Variants in DLAT observed in about 807,000 individuals in gnomAD.
DLAT encodes the protein dihydrolipoyllysine-residue acetyltransferase component of pyruvate dehydrogenase complex, mitochondrial.
In DLAT, 43 loss-of-function variants were observed where a neutral mutation model predicts 68.0. The observed-to-expected ratio is 0.63, with a 90% confidence interval of 0.50 to 0.81. The LOEUF (loss-of-function observed/expected upper bound fraction) is 0.81, where lower values mean the gene tolerates loss of function less well. Among genes scored for constraint, DLAT ranks in the 40% least tolerant of loss-of-function variants. The pLI is 0.00. For synonymous variants in DLAT, 265 were observed against 288.6 expected (o/e 0.92, Z 0.83); for missense variants, 745 against 815.4 (o/e 0.91, Z 1.05).
At chr11:112,049,737 A>G (rs1863512403) in intron 10 of DLAT, among the ~76,000 whole-genome samples, 1 of 151,940 alleles carries the variant, frequency 6.6e-6, no homozygotes, top group Non-Finnish European at 1.5e-5. Context: ...ATCTATATTG[A>G]CCTTGTATCC....
At chr11:112,044,022 G>T (rs1664684591) in intron 8 of DLAT, among the ~76,000 whole-genome samples, 1 of 152,078 alleles carries the variant, frequency 6.6e-6, no homozygotes, top group African/African-American at 2.4e-5. Flanking sequence ...TTAGATATTT[G>T]TGTGCTATCA....
chr11:112,033,013 G>A (rs1345396779), intron 4 of DLAT, among the ~76,000 whole-genome samples: 1 of 152,132 alleles, frequency 6.6e-6, no homozygotes, highest in African/African-American at 2.4e-5. Context: ...GCAGTGAGCC[G>A]AGATTGCGCC....
intron 4 of DLAT, among the ~76,000 whole-genome samples, chr11:112,031,671 T>C (rs1862401829): frequency 6.6e-6 from 1 of 151,780 alleles, no homozygotes; most frequent in South Asian, 2.1e-4. Context: ...ACCTCCTGGC[T>C]CAAGCCATCC....
chr11:112,028,986 T>TAG (rs1555179721), intron 4 of DLAT, 41 bp downstream of exon 4: 9 of 1,611,650 alleles, frequency 5.6e-6, no homozygotes, highest in Admixed American at 1.7e-5. Flanking sequence ...GGTGATTACT[T>TAG]ACTTACTCAC....
At chr11:112,053,005 G>C (rs587682905) in intron 11 of DLAT, among the ~76,000 whole-genome samples, 1 of 152,240 alleles carries the variant, frequency 6.6e-6, no homozygotes, top group East Asian at 1.9e-4. Context: ...CAAAGACCAA[G>C]TATATATTAT....
At chr11:112,053,866 C>A (rs1566633082) in intron 11 of DLAT, among the ~76,000 whole-genome samples, 1 of 152,052 alleles carries the variant, frequency 6.6e-6, no homozygotes, top group Admixed American at 6.6e-5. Context: ...ACTTTATTGA[C>A]TGACTCCCCG....
chr11:112,035,419 A>T (rs1001225984), intron 5 of DLAT, among the ~76,000 whole-genome samples: 5 of 152,156 alleles, frequency 3.3e-5, no homozygotes, highest in Admixed American at 1.3e-4. Context: ...GAGACTAGTC[A>T]CTAGAGAAGT....
chr11:112,059,326 CCTA>C (rs1279868212), intron 11 of DLAT, among the ~76,000 whole-genome samples: 2 of 151,878 alleles, frequency 1.3e-5, no homozygotes, highest in East Asian at 3.8e-4. Flanking sequence ...GCGAAACCAA[CCTA>C]CTGCTGCTGA....
At chr11:112,062,034 TGA>T (rs1263660070) in intron 13 of DLAT, among the ~76,000 whole-genome samples, 3 of 152,242 alleles carry the variant, frequency 2.0e-5, no homozygotes, top group Non-Finnish European at 4.4e-5. Context: ...TTATTCTAGG[TGA>T]GGAGTCAGCA....
chr11:112,027,783 G>C (rs1343689377), intron 2 of DLAT, among the ~76,000 whole-genome samples: 1 of 151,778 alleles, frequency 6.6e-6, no homozygotes, highest in East Asian at 2.0e-4. Context: ...GCCTGCAATC[G>C]CAGGCACTCA....
At position 112,028,956 on chromosome 11, in the gene DLAT, G is replaced by A. The variant is rs1862247232; in HGVS notation, c.660+11G>A. ...CCCCCTCACATGCAGGTGAGGCTCAGCCTCTGAGTTTTTGCTCTAGGTGAT... is the reference window on the plus strand; with the variant it reads ...CCCCCTCACATGCAGGTGAGGCTCAACCTCTGAGTTTTTGCTCTAGGTGAT... On this transcript the variant is annotated intron_variant, in intron 4 of 13. Transcript: ENST00000280346. The A allele has an allele frequency of 6.2e-7, 1 of 1,613,944 alleles. No individual in the cohort carries two copies. The highest frequency in any genetic ancestry group is 2.2e-5 in the East Asian group (1 of 44,876).
chr11:112,062,277 A>C, intron 13 of DLAT, 129 bp from the exon 14 acceptor site: 1 of 976,192 alleles, frequency 1.0e-6, no homozygotes, highest in Non-Finnish European at 1.6e-6. Context: ...AAGGTATAGG[A>C]GACTGGAAGA....
At chr11:112,060,363 T>C (rs1592732462) in intron 12 of DLAT, among the ~76,000 whole-genome samples, 3 of 152,072 alleles carry the variant, frequency 2.0e-5, no homozygotes. Context: ...GTTTTCACCA[T>C]GTTGGCCAGG....
At chr11:112,055,785 A>G (rs959654340) in intron 11 of DLAT, among the ~76,000 whole-genome samples, 1 of 148,722 alleles carries the variant, frequency 6.7e-6, no homozygotes, top group African/African-American at 2.5e-5. Context: ...TAAAATCTAG[A>G]TAAGAGGCAG....
Position 112,062,755 on chromosome 11 carries a change from T to C in DLAT, c.*220T>C, listed in dbSNP as rs886047695. 1 of 520,482 alleles carries C rather than the reference T, an allele frequency of 1.9e-6. No individual in the cohort carries two copies. The highest frequency in any genetic ancestry group is 3.4e-6 in the Non-Finnish European group (1 of 293,520). 32.2% of individuals were successfully genotyped at this position (520,482 alleles called of 1,614,324 possible). ...AATAATCAGACACCAGATTTTTAGC[T>C]CTGTACTCCTAATTAAGGGACATGT... On this transcript the variant is annotated 3_prime_UTR_variant, in exon 14 of 14. Coordinates refer to ENST00000280346, the MANE Select transcript of DLAT (RefSeq NM_001931.5).
chr11:112,042,710 G>A (rs1555181080), intron 7 of DLAT, among the ~76,000 whole-genome samples: 2 of 152,176 alleles, frequency 1.3e-5, no homozygotes, highest in African/African-American at 2.4e-5. Flanking sequence ...TGGGAGGAGG[G>A]AGGAAATTGA....
chr11:112,026,367 C>T (rs1232980152), intron 2 of DLAT, 68 bp downstream of exon 2: 13 of 879,252 alleles, frequency 1.5e-5, no homozygotes, highest in African/African-American at 7.4e-5. Context: ...GGGTGTTTCT[C>T]GCAGAGGGGG....
At chr11:112,058,625 TG>T (rs1169416538) in intron 11 of DLAT, among the ~76,000 whole-genome samples, 2,366 of 71,964 alleles carry the variant, frequency 0.033, 40 homozygotes, top group African/African-American at 0.11. Flanking sequence ...AAGGGGGGGG[TG>T]GGGGGGGGGA....
At chr11:112,056,724 T>A (rs1864113258) in intron 11 of DLAT, among the ~76,000 whole-genome samples, 1 of 152,222 alleles carries the variant, frequency 6.6e-6, no homozygotes, top group Admixed American at 6.5e-5. Flanking sequence ...GGTAAAATTA[T>A]GTTTAATTTT....
Sources: allele counts gnomAD v4.1 joint callset (sites outside exome capture counted in the v4.1 genomes callset), GRCh38; gene constraint gnomAD v4.1.1; transcripts MANE v1.5; gene names NCBI Gene and HGNC (gene_info 2026-07-23, HGNC 2026-07-21).